The following SVIL variants were observed in gnomAD, a reference collection of about 807,000 sequenced individuals.
SVIL encodes the protein supervillin.
Under a neutral mutation model 240.4 loss-of-function variants are expected in SVIL, and 101 were observed. That is an observed-to-expected ratio of 0.42 (90% CI 0.36 to 0.50). The LOEUF is 0.50. Among genes scored for constraint, SVIL ranks in the 20% least tolerant of loss-of-function variants. SVIL has a pLI of 0.01. For synonymous variants in SVIL, 999 were observed against 1,100.0 expected (o/e 0.91, Z 1.82); for missense variants, 2,512 against 2,818.7 (o/e 0.89, Z 2.46).
In SVIL at chr10:29,605,913, T is replaced by A. The variant is rs542282309; in HGVS notation, c.-201+28507A>T. Reference sequence around the variant, plus strand: ...TTTTCTTCTAGTACTTATTAGTTTTTATTTTTATTTATTTTGAGATGGAGT... The same window carrying A: ...TTTTCTTCTAGTACTTATTAGTTTTAATTTTTATTTATTTTGAGATGGAGT... On this transcript the variant is annotated intron_variant, in intron 1 of 37. Coordinates refer to ENST00000355867, the MANE Select transcript of SVIL (RefSeq NM_021738.3). 1.6e-3 allele frequency among the ~76,000 whole-genome samples: 235 copies of A among 151,406 alleles called. 1 individual carries two copies. Among genetic ancestry groups the A allele is most frequent in the African/African-American group, 5.0e-3 (205 of 40,804 alleles).
intron 1 of SVIL, among the ~76,000 whole-genome samples, chr10:29,690,966 C>T (rs1021024620): frequency 2.0e-5 from 3 of 152,130 alleles, no homozygotes; most frequent in East Asian, 3.8e-4. Flanking sequence ...AACATTCATT[C>T]GTTCAGATAA....
intron 1 of SVIL, among the ~76,000 whole-genome samples, chr10:29,630,685 A>G (rs187043107): frequency 5.5e-4 from 83 of 152,124 alleles, no homozygotes; most frequent in African/African-American, 2.0e-3. Context: ...AACCCCATAT[A>G]CAGAAACCCC....
chr10:29,653,297 G>A (rs1452334010), intron 3 of SVIL, among the ~76,000 whole-genome samples: 2 of 152,122 alleles, frequency 1.3e-5, no homozygotes, highest in Non-Finnish European at 2.9e-5. Context: ...AAAGTGTGTA[G>A]CACCTCCCCC....
chr10:29,573,735 C>T (rs1458445252), intron 1 of SVIL, among the ~76,000 whole-genome samples: 3 of 151,706 alleles, frequency 2.0e-5, no homozygotes, highest in African/African-American at 7.3e-5. Context: ...CGCTCTGTCA[C>T]CCAGGCTGGA....
chr10:29,662,571 A>G (rs768557720), intron 2 of SVIL, among the ~76,000 whole-genome samples: 1 of 152,158 alleles, frequency 6.6e-6, no homozygotes, highest in Non-Finnish European at 1.5e-5. Flanking sequence ...CCAGGCATCC[A>G]TCACCCCTCA....
At chr10:29,625,153 A>G (rs772424133) in intron 1 of SVIL, among the ~76,000 whole-genome samples, 18 of 152,328 alleles carry the variant, frequency 1.2e-4, no homozygotes, top group Admixed American at 2.6e-4. Context: ...GTGACACACA[A>G]TAGTTCATCC....
chr10:29,669,677 T>C (rs1439152810), intron 2 of SVIL, among the ~76,000 whole-genome samples: 1 of 152,108 alleles, frequency 6.6e-6, no homozygotes, highest in Non-Finnish European at 1.5e-5. Flanking sequence ...CACTGAGAAG[T>C]GGCCAGACTG....
At chr10:29,518,643 G>A (rs1950368753) in intron 16 of SVIL, among the ~76,000 whole-genome samples, 1 of 152,158 alleles carries the variant, frequency 6.6e-6, no homozygotes. Flanking sequence ...ATCACCTGAG[G>A]TCAGGCATTC....
intron 11 of SVIL, 26 bp from the exon 12 acceptor site, chr10:29,529,870 C>T: frequency 6.3e-7 from 1 of 1,580,772 alleles, no homozygotes; most frequent in Admixed American, 1.8e-5. Context: ...TTGTGGAACC[C>T]TTATAAATTC....
At chr10:29,716,452 A>G (rs1963616713) in intron 1 of SVIL, among the ~76,000 whole-genome samples, 1 of 152,228 alleles carries the variant, frequency 6.6e-6, no homozygotes, top group African/African-American at 2.4e-5. Flanking sequence ...GTCAAGAAAA[A>G]AAGAGACAGG....
At chr10:29,516,701 A>G (rs1457325347) in intron 16 of SVIL, among the ~76,000 whole-genome samples, 2 of 152,360 alleles carry the variant, frequency 1.3e-5, no homozygotes, top group East Asian at 3.9e-4. Flanking sequence ...GTGAACCCAG[A>G]GAGAGGCACG....
chr10:29,575,169 T>C (rs1436358373), intron 1 of SVIL: 1 of 152,550 alleles, frequency 6.6e-6, no homozygotes, highest in African/African-American at 2.4e-5. Context: ...GTGTTTACCA[T>C]TTGTATACTG....
At chr10:29,629,245 G>A (rs1186599638) in intron 1 of SVIL, among the ~76,000 whole-genome samples, 1 of 152,040 alleles carries the variant, frequency 6.6e-6, no homozygotes, top group African/African-American at 2.4e-5. Flanking sequence ...GGGAAGGGGT[G>A]GCATGAAAAG....
chr10:29,519,967 G>A (rs762923088), intron 16 of SVIL, among the ~76,000 whole-genome samples: 4 of 130,800 alleles, frequency 3.1e-5, no homozygotes, highest in East Asian at 1.9e-4. Flanking sequence ...AAGAAGCTAC[G>A]TCTTTCCAGT....
At chr10:29,678,087 A>C (rs1017532301) in intron 2 of SVIL, among the ~76,000 whole-genome samples, 3 of 152,156 alleles carry the variant, frequency 2.0e-5, no homozygotes, top group Non-Finnish European at 4.4e-5. Flanking sequence ...CCTTTTTGGC[A>C]CTGGGGACCA....
At chr10:29,734,953 A>G (rs1964812415) in intron 1 of SVIL, among the ~76,000 whole-genome samples, 1 of 152,128 alleles carries the variant, frequency 6.6e-6, no homozygotes, top group South Asian at 2.1e-4. Flanking sequence ...TCTCATTGCA[A>G]TAAACTGTCA....
At chr10:29,507,685 T>C in intron 17 of SVIL, 2 of 876,060 alleles carry the variant, frequency 2.3e-6, no homozygotes, top group Non-Finnish European at 2.7e-6. Flanking sequence ...GAAGTTCTTT[T>C]CCTATTGCTC....
intron 1 of SVIL, among the ~76,000 whole-genome samples, chr10:29,604,713 T>C (rs1249694862): frequency 3.9e-5 from 6 of 152,030 alleles, no homozygotes; most frequent in African/African-American, 1.5e-4. Context: ...TACAGGTGCA[T>C]GTCACTATGC....
At chr10:29,515,588 C>T (rs1478691214) in intron 16 of SVIL, among the ~76,000 whole-genome samples, 1 of 152,150 alleles carries the variant, frequency 6.6e-6, no homozygotes, top group Non-Finnish European at 1.5e-5. Context: ...GTAAACTGGC[C>T]TCAGAACCAG....
Sources: gnomAD v4.1 joint callset for allele counts (sites outside exome capture counted in the v4.1 genomes callset) on GRCh38, gnomAD v4.1.1 for gene constraint, MANE v1.5 for transcripts, NCBI Gene and HGNC (gene_info 2026-07-23, HGNC 2026-07-21) for gene names.